The following BAHCC1 variants were observed in gnomAD, a reference collection of about 807,000 sequenced individuals.
BAHCC1 encodes BAH and coiled-coil domain-containing protein 1.
In BAHCC1, 43 loss-of-function variants were observed where a neutral mutation model predicts 88.2. The observed-to-expected ratio is 0.49, with a 90% CI of 0.38 to 0.63. BAHCC1 has a LOEUF of 0.63. Ranked by LOEUF, BAHCC1 falls within the 20% of genes least tolerant of loss-of-function variation. BAHCC1 has a pLI of 0.00. For missense variants in BAHCC1, 3,023 were observed against 1,654.8 expected (o/e 1.83, Z -14.34); for synonymous variants, 1,510 against 745.5 (o/e 2.03, Z -16.71).
rs782060337 is a variant in BAHCC1 at position 81,461,365 on chromosome 17, C to T, written c.6702C>T (p.Ser2234=). 12 of 725,336 alleles carry T rather than the reference C, an allele frequency of 1.7e-5. No homozygotes were observed. The highest frequency in any genetic ancestry group is 2.3e-5 in the Non-Finnish European group (9 of 394,060). The allele number at this position is 725,336 out of a possible 1,614,324, so 44.9% of individuals were successfully genotyped here. Residue 2234 remains serine, a synonymous_variant, in exon 26 of 28, where the codon AGC becomes AGT. Coordinates refer to ENST00000675386, the MANE Select transcript of BAHCC1 (RefSeq NM_001377448.1). The part of the protein sequence containing the change: ...KALLMGDKDF[S]PKLGRPLPSP... ...TGCTCATGGGGGACAAGGACTTCAG[C>T]CCCAAGCTCGGGCGGCCCCTGCCCA...
intron 2 of BAHCC1, among the ~76,000 whole-genome samples, chr17:81,409,734 G>C (rs2063925385): frequency 6.6e-6 from 1 of 152,178 alleles, no homozygotes; most frequent in South Asian, 2.1e-4. Context: ...GTGTGAATCA[G>C]CTGCCTCACC....
Position 81,447,827 on chromosome 17 carries a change from A to T in BAHCC1, c.3955A>T (p.Arg1319Trp), listed in dbSNP as rs1555655018. ...ELADLAIQRQ[R>W]SERTVPEEEE... ...GGCTGACCTGGCAATCCAGCGGCAG[A>T]GGAGTGAGAGGACTGTGCCAGGTAA... Residue 1319 changes from arginine to tryptophan, a missense_variant, in exon 11 of 28, where the codon AGG (arginine) becomes TGG (tryptophan). Coordinates refer to ENST00000675386, the MANE Select transcript of BAHCC1 (RefSeq NM_001377448.1). 1 of 740,306 alleles carries T rather than the reference A, an allele frequency of 1.4e-6. No homozygotes were observed. The highest frequency in any genetic ancestry group is 2.5e-6 in the Non-Finnish European group (1 of 397,918). The allele number at this position is 740,306 out of a possible 1,614,324, so 45.9% of individuals were successfully genotyped here. A position where few individuals can be genotyped will look rare whatever the true frequency, so the allele number is the denominator to read the frequency against.
At chr17:81,428,379 G>A (rs1454775403) in intron 3 of BAHCC1, among the ~76,000 whole-genome samples, 3 of 152,160 alleles carry the variant, frequency 2.0e-5, no homozygotes, top group African/African-American at 4.8e-5. Flanking sequence ...GCAGGAAGGG[G>A]AGGCCTGCGG....
At position 81,451,831 on chromosome 17, in the gene BAHCC1, C is replaced by T. The variant is rs781862086; in HGVS notation, c.4140C>T (p.Ile1380=). Residue 1380 remains isoleucine (I), a synonymous_variant, in exon 12 of 28, where the codon ATC becomes ATT. Transcript: ENST00000675386. ...SGPRLTPRMQ[I]LQRKDTWTPK... is the part of the protein sequence containing the mutation. ...CCAGGCTCACCCCCCGCATGCAGATCCTGCAGCGCAAGGACACCTGGACCC... is the reference window on the plus strand; with the variant it reads ...CCAGGCTCACCCCCCGCATGCAGATTCTGCAGCGCAAGGACACCTGGACCC... 1.9e-5 allele frequency: 14 copies of T among 754,882 alleles called. No individual in the cohort carries two copies. Among genetic ancestry groups the T allele is most frequent in the Non-Finnish European group, 1.7e-5 (7 of 413,248 alleles). The allele number at this position is 754,882 out of a possible 1,614,324, so 46.8% of individuals were successfully genotyped here. A position where few individuals can be genotyped will look rare whatever the true frequency, so the allele number is the denominator to read the frequency against.
At chr17:81,444,624 C>T (rs782359601) in intron 7 of BAHCC1, 44 bp from the exon 8 acceptor site, 1 of 758,518 alleles carries the variant, frequency 1.3e-6, no homozygotes, top group Non-Finnish European at 2.4e-6. Context: ...CCCTCCTGGT[C>T]CCCGAGAGTG....
chr17:81,439,955 C>T (rs1394787910), intron 4 of BAHCC1, among the ~76,000 whole-genome samples: 15 of 152,168 alleles, frequency 9.9e-5, no homozygotes, highest in South Asian at 4.1e-4. Flanking sequence ...CCTGCACTTC[C>T]TCGCCTGCAG....
intron 2 of BAHCC1, among the ~76,000 whole-genome samples, chr17:81,412,676 C>A (rs899454961): frequency 1.3e-5 from 2 of 152,312 alleles, no homozygotes; most frequent in South Asian, 4.1e-4. Context: ...GCTCTTTCCC[C>A]GTCCGCGCCC....
At chr17:81,455,435 C>T (rs1303875804) in intron 15 of BAHCC1, 45 bp downstream of exon 15, 6 of 706,368 alleles carry the variant, frequency 8.5e-6, no homozygotes, top group South Asian at 4.5e-5. Context: ...CTTCAGGTCC[C>T]TTCAGGTCCC....
At chr17:81,405,858 G>A (rs1243992747) in intron 2 of BAHCC1, among the ~76,000 whole-genome samples, 2 of 152,114 alleles carry the variant, frequency 1.3e-5, no homozygotes, top group African/African-American at 2.4e-5. Context: ...CCTGGCCAAC[G>A]CCCCACCGGA....
chr17:81,433,858 G>A (rs1421692798), intron 3 of BAHCC1, among the ~76,000 whole-genome samples: 3 of 152,222 alleles, frequency 2.0e-5, no homozygotes, highest in Non-Finnish European at 2.9e-5. Context: ...GGGGCCTGGC[G>A]GTCATCGGGT....
At chr17:81,416,878 T>C (rs1014305114) in intron 2 of BAHCC1, among the ~76,000 whole-genome samples, 2 of 152,206 alleles carry the variant, frequency 1.3e-5, no homozygotes, top group African/African-American at 2.4e-5. Flanking sequence ...CATGGCTATG[T>C]GGACACAGGG....
rs548574198 is a variant in BAHCC1, at chr17:81,405,275, A to G, written c.178+5358A>G. 3.3e-5 allele frequency among the ~76,000 whole-genome samples: 5 copies of G among 152,268 alleles called. No homozygotes were observed. The South Asian group carries it at 1.0e-3, about 32-fold the overall frequency. On this transcript the variant is annotated intron_variant, in intron 2 of 27. Coordinates refer to ENST00000675386, the MANE Select transcript of BAHCC1 (RefSeq NM_001377448.1). ...GAGACGGGGTTTCACCATGTTTCCC[A>G]TGCTGGTCTTGAGCTCCTGAGCTCA...
chr17:81,456,703 G>A, intron 16 of BAHCC1, 118 bp downstream of exon 16: 1 of 604,280 alleles, frequency 1.7e-6, no homozygotes, highest in Non-Finnish European at 2.9e-6. Flanking sequence ...CTTGTGGGGT[G>A]TGACAGGTCC....
chr17:81,420,532 C>T (rs1385822258), intron 2 of BAHCC1, among the ~76,000 whole-genome samples: 3 of 152,254 alleles, frequency 2.0e-5, no homozygotes, highest in Non-Finnish European at 2.9e-5. Flanking sequence ...GGGCTGTGCC[C>T]GAGGACCTGA....
rs1555659340 is a variant in BAHCC1 at position 81,461,462 on chromosome 17, A to G, written c.6799A>G (p.Met2267Val). The G allele has an allele frequency of 4.0e-6, 3 of 742,720 alleles. No individual in the cohort carries two copies. Among genetic ancestry groups the G allele is most frequent in the Non-Finnish European group, 7.5e-6 (3 of 400,466 alleles). The allele number at this position is 742,720 out of a possible 1,614,324, so 46.0% of individuals were successfully genotyped here. Residue 2267 changes from methionine to valine, a missense_variant, in exon 26 of 28, where the codon ATG (methionine) becomes GTG (valine). Transcript: ENST00000675386. Reference protein sequence around the residue: ...KGRAPIPPLPMGLALRKYAGQ... With the variant: ...KGRAPIPPLPVGLALRKYAGQ... ...GCGGGCACCCATCCCCCCGCTGCCC[A>G]TGGGGCTGGCGCTGCGCAAGTACGC...
At chr17:81,408,318 A>G (rs1312056207) in intron 2 of BAHCC1, among the ~76,000 whole-genome samples, 3 of 151,662 alleles carry the variant, frequency 2.0e-5, no homozygotes, top group Non-Finnish European at 4.4e-5. Context: ...CTGTGTGGCC[A>G]CCTCCACCCC....
At position 81,407,753 on chromosome 17, in the gene BAHCC1, T is replaced by G. The variant is rs570475994; in HGVS notation, c.178+7836T>G. Among the ~76,000 whole-genome samples the G allele has an allele frequency of 4.6e-5, 7 of 152,302 alleles. No individual in the cohort carries two copies. In the South Asian group the frequency reaches 1.4e-3, roughly 32 times the overall value. ...ATCCCAGCGGGGTCTAGCCACAGGT[T>G]CACTGACCAAGCTCACAGCTGCTCA... is the stretch of plus-strand genomic sequence containing the variant. On this transcript the variant is annotated intron_variant, in intron 2 of 27. Coordinates refer to ENST00000675386, the MANE Select transcript of BAHCC1 (RefSeq NM_001377448.1).
intron 27 of BAHCC1, 87 bp downstream of exon 27, chr17:81,463,063 G>A: frequency 1.5e-6 from 1 of 682,348 alleles, no homozygotes; most frequent in Non-Finnish European, 2.7e-6. Context: ...CCCCAACACG[G>A]AGCACCTGGC....
At position 81,397,935 on chromosome 17, in the gene BAHCC1, A is replaced by G. The variant is rs565652395; in HGVS notation, c.-206-1599A>G. The stretch of plus-strand genomic sequence containing the variant: ...GAGCAAATATGTATTCACTTAATAC[A>G]TTATGTTTTCGGTTATAGATTAAAT... On this transcript the variant is annotated intron_variant, in intron 1 of 27. Coordinates refer to ENST00000675386, the MANE Select transcript of BAHCC1 (RefSeq NM_001377448.1). Among the ~76,000 whole-genome samples, 9 of 152,388 alleles carry G rather than the reference A, an allele frequency of 5.9e-5. 1 individual carries two copies. The South Asian group carries it at 1.7e-3, about 28-fold the overall frequency.
Sources: gnomAD v4.1 joint callset for allele counts (sites outside exome capture counted in the v4.1 genomes callset) on GRCh38, gnomAD v4.1.1 for gene constraint, MANE v1.5 for transcripts, NCBI Gene and HGNC (gene_info 2026-07-23, HGNC 2026-07-21) for gene names.